The following GRM5 variants were observed in gnomAD, a reference collection of about 807,000 sequenced individuals.
The protein encoded by GRM5 is metabotropic glutamate receptor 5.
GRM5 carries 19 observed loss-of-function variants against 83.1 expected under a neutral mutation model. That is an observed-to-expected ratio of 0.23 (90% CI 0.16 to 0.34). GRM5 has a LOEUF of 0.34. Ranked by LOEUF, GRM5 falls within the 10% of genes least tolerant of loss-of-function variation. The pLI, the probability that GRM5 is intolerant of heterozygous loss-of-function variation, is 1.00. For missense variants in GRM5, 1,160 were observed against 1,588.3 expected, an observed-to-expected ratio of 0.73 and a Z score of 4.58; for synonymous variants, 675 against 633.6, an observed-to-expected ratio of 1.07 and a Z score of -0.98.
chr11:89,006,025 A>C (rs774279213), intron 2 of GRM5, among the ~76,000 whole-genome samples: 3 of 152,206 alleles, frequency 2.0e-5, no homozygotes, highest in Non-Finnish European at 4.4e-5. Flanking sequence ...GTCGTTGAAA[A>C]AGGCGTCCAG....
At chr11:88,882,987 G>A (rs1177611062) in intron 2 of GRM5, among the ~76,000 whole-genome samples, 10 of 152,134 alleles carry the variant, frequency 6.6e-5, no homozygotes, top group Non-Finnish European at 2.9e-5. Context: ...ACATGACTTT[G>A]CTCCTCTTAT....
chr11:89,064,913 T>A (rs61903383), intron 1 of GRM5, among the ~76,000 whole-genome samples: 13,162 of 50,500 alleles, frequency 0.26, 2,164 homozygotes, highest in Non-Finnish European at 0.33. Context: ...TGTGTGTGTG[T>A]GTGAGAGAGA....
intron 3 of GRM5, among the ~76,000 whole-genome samples, chr11:88,828,106 G>A (rs1943924376): frequency 6.6e-6 from 1 of 152,158 alleles, no homozygotes; most frequent in African/African-American, 2.4e-5. Flanking sequence ...GTGGAAGTGA[G>A]ACTAGGAACA....
Position 88,765,613 on chromosome 11 carries a change from T to C in GRM5, c.911+84293A>G, listed in dbSNP as rs115911122. On this transcript the variant is annotated intron_variant, in intron 3 of 9. Coordinates refer to ENST00000305447, the MANE Select transcript of GRM5 (RefSeq NM_001143831.3). ...AGGGAAAATGGCAGTCTTCAACAAA[T>C]GATGCTTGGATAACTGGATATCCAC... Among the ~76,000 whole-genome samples, 1,172 of 151,754 alleles carry C rather than the reference T, an allele frequency of 7.7e-3. 13 individuals are homozygous for C. Among genetic ancestry groups the C allele is most frequent in the African/African-American group, 0.027 (1,113 of 41,468 alleles).
chr11:88,728,676 A>G (rs1197789701), intron 3 of GRM5, among the ~76,000 whole-genome samples: 1 of 152,184 alleles, frequency 6.6e-6, no homozygotes, highest in Non-Finnish European at 1.5e-5. Context: ...CTTATCCACC[A>G]GTATCAAGTC....
chr11:88,615,915 C>G (rs1049348949), intron 4 of GRM5, among the ~76,000 whole-genome samples: 1 of 152,006 alleles, frequency 6.6e-6, no homozygotes, highest in South Asian at 2.1e-4. Flanking sequence ...AAGATGACAT[C>G]GCACTTTGTG....
chr11:88,925,838 G>A (rs538090234), intron 2 of GRM5: 7 of 435,694 alleles, frequency 1.6e-5, no homozygotes, highest in African/African-American at 1.4e-4. Context: ...GAACCTGAAA[G>A]GCAGAGGTTA....
chr11:88,717,873 A>G (rs1466011948), intron 3 of GRM5, among the ~76,000 whole-genome samples: 1 of 151,714 alleles, frequency 6.6e-6, no homozygotes, highest in African/African-American at 2.4e-5. Flanking sequence ...AACTATTTAT[A>G]GTTAGAAGGA....
chr11:88,635,812 TC>T (rs1939103349), intron 4 of GRM5, among the ~76,000 whole-genome samples: 1 of 152,196 alleles, frequency 6.6e-6, no homozygotes, highest in South Asian at 2.1e-4. Context: ...GTTTTATGTT[TC>T]TAGGTCTTAT....
At chr11:88,864,270 T>A (rs10831536) in intron 2 of GRM5, among the ~76,000 whole-genome samples, 62,564 of 150,224 alleles carry the variant, frequency 0.42, 13,160 homozygotes, top group East Asian at 0.57. Context: ...AGAAGAGGTT[T>A]CTGAAGGCAG....
In GRM5 at chr11:88,778,147, C is replaced by T. The variant is rs150600038; in HGVS notation, c.911+71759G>A. 1.8e-4 allele frequency among the ~76,000 whole-genome samples: 28 copies of T among 152,210 alleles called. No homozygotes were observed. The East Asian group carries it at 5.2e-3, about 28-fold the overall frequency. On this transcript the variant is annotated intron_variant, in intron 3 of 9. Transcript: ENST00000305447. ...TCCTTGGCCACTCTGTTTACCTACT[C>T]AAGCCTCATCAATGGCGACACCCCT...
chr11:88,805,751 A>G (rs1007659015), intron 3 of GRM5, among the ~76,000 whole-genome samples: 1 of 152,214 alleles, frequency 6.6e-6, no homozygotes, highest in Non-Finnish European at 1.5e-5. Flanking sequence ...TGATTAGCAC[A>G]TAATATATAC....
intron 4 of GRM5, among the ~76,000 whole-genome samples, chr11:88,649,562 A>G (rs1939577664): frequency 6.7e-6 from 1 of 148,438 alleles, no homozygotes; most frequent in Non-Finnish European, 1.5e-5. Context: ...CTATATTGAC[A>G]CCGGGGAAAC....
intron 3 of GRM5, among the ~76,000 whole-genome samples, chr11:88,708,293 T>C (rs1941206053): frequency 6.6e-6 from 1 of 152,108 alleles, no homozygotes. Flanking sequence ...AGGGAGACTG[T>C]CTTCTAGAGT....
At chr11:88,607,782 T>G (rs1175092392) in intron 4 of GRM5, among the ~76,000 whole-genome samples, 1 of 152,260 alleles carries the variant, frequency 6.6e-6, no homozygotes, top group Non-Finnish European at 1.5e-5. Context: ...GTAATTGCTG[T>G]GTCTTCTGCC....
intron 3 of GRM5, among the ~76,000 whole-genome samples, chr11:88,688,428 G>A (rs1437312439): frequency 6.6e-6 from 1 of 152,130 alleles, no homozygotes; most frequent in Non-Finnish European, 1.5e-5. Context: ...TTGGCCCTAT[G>A]AAGCCCAGAT....
At chr11:88,918,324 T>A (rs1945630656) in intron 2 of GRM5, among the ~76,000 whole-genome samples, 1 of 152,034 alleles carries the variant, frequency 6.6e-6, no homozygotes, top group African/African-American at 2.4e-5. Flanking sequence ...GAAATATACC[T>A]AATGCTAGAT....
intron 2 of GRM5, among the ~76,000 whole-genome samples, chr11:88,850,953 C>CACAATA: frequency 6.6e-6 from 1 of 152,172 alleles, no homozygotes; most frequent in East Asian, 1.9e-4. Flanking sequence ...ATTTAGCACT[C>CACAATA]ACAATAAAAT....
At chr11:88,971,957 A>G (rs1267004829) in intron 2 of GRM5, among the ~76,000 whole-genome samples, 3 of 152,078 alleles carry the variant, frequency 2.0e-5, no homozygotes. Flanking sequence ...CAAAAGACAT[A>G]AGAACCAGTT....
Sources: allele counts gnomAD v4.1 joint callset (sites outside exome capture counted in the v4.1 genomes callset), GRCh38; gene constraint gnomAD v4.1.1; transcripts MANE v1.5; gene names NCBI Gene and HGNC (gene_info 2026-07-23, HGNC 2026-07-21).